Variants in SARDH observed in about 807,000 individuals in gnomAD.
The protein encoded by SARDH is sarcosine dehydrogenase, also known as sarcosine dehydrogenase, mitochondrial.
In SARDH, 95 loss-of-function variants were observed where a neutral mutation model predicts 109.1. That is an observed-to-expected ratio of 0.87 (90% confidence interval 0.74 to 1.03). The LOEUF (loss-of-function observed/expected upper bound fraction) is 1.03. Ranked by LOEUF, SARDH falls within the 50% of genes least tolerant of loss-of-function variation. SARDH has a pLI of 0.00. For synonymous variants in SARDH, 572 were observed against 534.8 expected (o/e 1.07, Z -0.96); for missense variants, 1,267 against 1,287.8 (o/e 0.98, Z 0.25).
intron 17 of SARDH, among the ~76,000 whole-genome samples, chr9:133,681,149 C>T (rs129942): frequency 0.034 from 5,196 of 152,244 alleles, 231 homozygotes; most frequent in African/African-American, 0.097. Context: ...GGACATCTGC[C>T]GCCCTGGTCC....
At chr9:133,671,735 AG>A in intron 17 of SARDH, 38 bp from the exon 18 acceptor site, 1 of 1,538,014 alleles carries the variant, frequency 6.5e-7, no homozygotes, top group Non-Finnish European at 8.8e-7. Flanking sequence ...TGGCCATGTA[AG>A]ATGGCTGAGG....
At chr9:133,680,894 G>A (rs1445171672) in intron 17 of SARDH, among the ~76,000 whole-genome samples, 3 of 152,218 alleles carry the variant, frequency 2.0e-5, no homozygotes, top group African/African-American at 7.2e-5. Context: ...TGGGCATCAG[G>A]GTCTCTAGGT....
At chr9:133,733,822 T>C (rs1253993487) in intron 2 of SARDH, 21 bp downstream of exon 2, 1 of 1,448,204 alleles carries the variant, frequency 6.9e-7, no homozygotes, top group Admixed American at 2.9e-5. Context: ...TCCCTGCCCC[T>C]ACCTGGCCCC....
At chr9:133,729,273 A>C (rs989512441) in intron 6 of SARDH, among the ~76,000 whole-genome samples, 4 of 152,030 alleles carry the variant, frequency 2.6e-5, no homozygotes, top group Non-Finnish European at 5.9e-5. Flanking sequence ...AGGAGAGAAG[A>C]GAGGGCAGGA....
At chr9:133,684,901 C>T (rs999617154) in intron 17 of SARDH, among the ~76,000 whole-genome samples, 3 of 152,192 alleles carry the variant, frequency 2.0e-5, no homozygotes, top group East Asian at 1.9e-4. Context: ...CAATAGGTGG[C>T]GATGCAGGCA....
At chr9:133,732,914 T>C (rs1331769451) in intron 2 of SARDH, among the ~76,000 whole-genome samples, 1 of 152,162 alleles carries the variant, frequency 6.6e-6, no homozygotes, top group African/African-American at 2.4e-5. Flanking sequence ...GATTCTCTTA[T>C]AGATCAAGTT....
intron 1 of SARDH, among the ~76,000 whole-genome samples, chr9:133,737,657 G>A (rs1832929751): frequency 6.6e-6 from 1 of 152,222 alleles, no homozygotes; most frequent in African/African-American, 2.4e-5. Flanking sequence ...GACAGCTGCT[G>A]GCGCCGGAGG....
chr9:133,683,889 G>A (rs894872546), intron 17 of SARDH, among the ~76,000 whole-genome samples: 36 of 152,290 alleles, frequency 2.4e-4, no homozygotes, highest in African/African-American at 7.9e-4. Flanking sequence ...ACGCGGCCGT[G>A]CACCCGCCCA....
chr9:133,731,458 G>A lies in SARDH; in HGVS notation c.537C>T (p.Ser179=). The A allele has an allele frequency of 6.2e-7, 1 of 1,614,138 alleles. No homozygotes were observed. The highest frequency in any genetic ancestry group is 8.5e-7 in the Non-Finnish European group (1 of 1,179,994). Residue 179 remains serine, a synonymous_variant, in exon 4 of 21, where the codon TCC becomes TCT. Coordinates refer to ENST00000439388, the MANE Select transcript of SARDH (RefSeq NM_001134707.2). ...MSLGKAYGVE[S]HVLSPAETKT... Reference sequence around the variant, plus strand: ...TGGTCTCTGCCGGGCTCAGCACATGGGATTCCACACCATACGCCTTGCCCA... The same window carrying A: ...TGGTCTCTGCCGGGCTCAGCACATGAGATTCCACACCATACGCCTTGCCCA...
In SARDH at chr9:133,663,866, G is replaced by A. The variant is rs926538597; in HGVS notation, c.*23C>T. The stretch of plus-strand genomic sequence containing the variant: ...CTGTGAGAATGGATGGACAGCATGG[G>A]ATGGGGCATGTGGTCTGAGCCCTCA... On this transcript the variant is annotated 3_prime_UTR_variant, in exon 21 of 21. Transcript: ENST00000439388. 1.2e-6 allele frequency: 2 copies of A among 1,613,486 alleles called. No homozygotes were observed. The highest frequency in any genetic ancestry group is 2.7e-5 in the African/African-American group (2 of 75,042).
At chr9:133,690,643 G>T (rs1365507731) in intron 15 of SARDH, 116 bp from the exon 16 acceptor site, 2 of 1,193,400 alleles carry the variant, frequency 1.7e-6, no homozygotes, top group Non-Finnish European at 2.4e-6. Context: ...AGGGGCCTGT[G>T]CCTTCACAGT....
chr9:133,733,498 C>T (rs561753603), intron 2 of SARDH, among the ~76,000 whole-genome samples: 4 of 152,324 alleles, frequency 2.6e-5, no homozygotes, highest in Admixed American at 1.3e-4. Context: ...GGTCCCCGTC[C>T]GTCCTTCTCC....
chr9:133,679,103 C>A (rs560030639), intron 17 of SARDH, among the ~76,000 whole-genome samples: 3 of 152,238 alleles, frequency 2.0e-5, no homozygotes, highest in Non-Finnish European at 4.4e-5. Context: ...CTCGCTCCAA[C>A]TTCCCCTTGG....
intron 11 of SARDH, among the ~76,000 whole-genome samples, chr9:133,706,837 C>G (rs1449818723): frequency 6.6e-6 from 1 of 152,066 alleles, no homozygotes; most frequent in African/African-American, 2.4e-5. Context: ...GAGGGTCTGT[C>G]CCAACAGCAC....
chr9:133,693,699 C>T lies in SARDH; in HGVS notation c.1921+559G>A, dbSNP rs903411067. Among the ~76,000 whole-genome samples the T allele has an allele frequency of 6.6e-6, 1 of 152,218 alleles. No homozygotes were observed. The highest frequency in any genetic ancestry group is 2.4e-5 in the African/African-American group (1 of 41,446). Reference sequence around the variant, plus strand: ...AAGGGACAAGAGGCAGGTCCTGGCTCTGCGTAACAGTTGGGGCTGAGCAAA... The same window carrying T: ...AAGGGACAAGAGGCAGGTCCTGGCTTTGCGTAACAGTTGGGGCTGAGCAAA... On this transcript the variant is annotated intron_variant, in intron 15 of 20. Coordinates refer to ENST00000439388, the MANE Select transcript of SARDH (RefSeq NM_001134707.2). The surrounding 1 kb of genome is among the most constrained non-coding windows in gnomAD (Gnocchi z 5.6).
At chr9:133,695,315 C>A (rs2502737) in intron 14 of SARDH, among the ~76,000 whole-genome samples, 7,047 of 152,246 alleles carry the variant, frequency 0.046, 234 homozygotes, top group South Asian at 0.094. Context: ...TGGTGGTGTG[C>A]GCCTGTAATC....
downstream of SARDH, among the ~76,000 whole-genome samples, chr9:133,661,515 C>T (rs751405412): frequency 2.0e-5 from 3 of 151,752 alleles, no homozygotes; most frequent in Non-Finnish European, 4.4e-5. Flanking sequence ...GAGTTTCCCT[C>T]TTGTTGCCCA....
intron 6 of SARDH, 24 bp downstream of exon 6, chr9:133,729,741 C>G (rs757925476): frequency 1.3e-6 from 2 of 1,599,952 alleles, no homozygotes; most frequent in Non-Finnish European, 1.7e-6. Flanking sequence ...CAGACTGACA[C>G]AGAACCCGGG....
intron 17 of SARDH, among the ~76,000 whole-genome samples, chr9:133,683,887 G>A (rs879259418): frequency 2.0e-5 from 3 of 152,144 alleles, no homozygotes; most frequent in Non-Finnish European, 2.9e-5. Flanking sequence ...AAACGCGGCC[G>A]TGCACCCGCC....
Sources: allele counts gnomAD v4.1 joint callset (sites outside exome capture counted in the v4.1 genomes callset), GRCh38; gene constraint gnomAD v4.1.1; non-coding constraint Gnocchi (gnomAD v3.1); transcripts MANE v1.5; gene names NCBI Gene and HGNC (gene_info 2026-07-23, HGNC 2026-07-21).